Variants in EXOC2 observed in about 807,000 individuals in gnomAD.
EXOC2 encodes the protein exocyst complex component 2, also known as SEC5-like 1.
A neutral mutation model predicts 131.8 loss-of-function variants in EXOC2; 70 were observed. The observed-to-expected ratio is 0.53, with a 90% CI of 0.44 to 0.65. The LOEUF is 0.65. Ranked by LOEUF, EXOC2 falls within the 30% of genes least tolerant of loss-of-function variation. EXOC2 has a pLI of 0.00. For missense variants in EXOC2, 923 were observed against 1,108.6 expected (o/e 0.83, Z 2.38); for synonymous variants, 411 against 398.4 (o/e 1.03, Z -0.38).
chr6:504,092 C>T (rs372785935), intron 23 of EXOC2, among the ~76,000 whole-genome samples: 13 of 152,210 alleles, frequency 8.5e-5, no homozygotes, highest in African/African-American at 3.1e-4. Context: ...CGGCCAACAC[C>T]GTTGGCAAAA....
chr6:665,355 T>C (rs1038460571), intron 1 of EXOC2, among the ~76,000 whole-genome samples: 20 of 152,182 alleles, frequency 1.3e-4, no homozygotes, highest in Admixed American at 3.9e-4. Context: ...CTAGTACAGC[T>C]GCTATGGAAA....
chr6:631,341 C>G (rs1328307216), intron 3 of EXOC2, among the ~76,000 whole-genome samples: 1 of 152,090 alleles, frequency 6.6e-6, no homozygotes, highest in East Asian at 1.9e-4. Flanking sequence ...AGTTCGAGAC[C>G]AGCCTGACCA....
intron 1 of EXOC2, among the ~76,000 whole-genome samples, chr6:658,778 C>T (rs1326269864): frequency 2.6e-5 from 4 of 150,986 alleles, no homozygotes; most frequent in Non-Finnish European, 5.9e-5. Flanking sequence ...TCTCTTGCCT[C>T]AGCCTCCCGA....
At chr6:618,364 G>T (rs963630793) in intron 5 of EXOC2, among the ~76,000 whole-genome samples, 2 of 152,160 alleles carry the variant, frequency 1.3e-5, no homozygotes, top group Non-Finnish European at 2.9e-5. Flanking sequence ...TAACTAGGAA[G>T]ACCACAATAT....
intron 1 of EXOC2, among the ~76,000 whole-genome samples, chr6:658,156 TCTCCACTAACC>T (rs1482040280): frequency 2.1e-4 from 32 of 152,186 alleles, no homozygotes; most frequent in African/African-American, 7.2e-4. Flanking sequence ...ACAATCCACT[TCTCCACTAACC>T]TGAAATGTCA....
At chr6:515,213 A>G (rs191390240) in intron 23 of EXOC2, among the ~76,000 whole-genome samples, 150 of 152,328 alleles carry the variant, frequency 9.8e-4, no homozygotes, top group African/African-American at 3.5e-3. Context: ...ATTAAGAACT[A>G]TAACTTACTT....
intron 1 of EXOC2, among the ~76,000 whole-genome samples, chr6:672,085 T>C (rs1220267799): frequency 6.6e-6 from 1 of 152,198 alleles, no homozygotes; most frequent in East Asian, 1.9e-4. Context: ...ATACTTTGTG[T>C]AACTGTCCCA....
chr6:648,488 T>C (rs181383380), intron 1 of EXOC2, among the ~76,000 whole-genome samples: 74 of 152,270 alleles, frequency 4.9e-4, no homozygotes, highest in African/African-American at 1.6e-3. Context: ...AATATTCCAA[T>C]TGCCATAAAA....
At chr6:576,708 C>T in intron 12 of EXOC2, 49 bp downstream of exon 12, 1 of 1,596,990 alleles carries the variant, frequency 6.3e-7, no homozygotes, top group Non-Finnish European at 8.5e-7. Flanking sequence ...TTTGAAATTA[C>T]ACGAGTACAA....
At position 691,791 on chromosome 6, in the gene EXOC2, T is replaced by A. The variant is rs541710071; in HGVS notation, c.-44+1228A>T. Among the ~76,000 whole-genome samples, 341 of 152,380 alleles carry A rather than the reference T, an allele frequency of 2.2e-3. 2 individuals carry two copies. The highest frequency in any genetic ancestry group is 7.9e-3 in the African/African-American group (328 of 41,586). ...ACTTGACAAGAAAAAAAGATCACTT[T>A]CTAAAACTTCCAAGAGTTGGTCCAA... On this transcript the variant is annotated intron_variant, in intron 1 of 27. Transcript: ENST00000230449.
intron 1 of EXOC2, among the ~76,000 whole-genome samples, chr6:648,916 G>A (rs191765930): frequency 1.3e-5 from 2 of 151,342 alleles, no homozygotes; most frequent in African/African-American, 4.8e-5. Context: ...TTTTAATAGA[G>A]ACAGGGTCTT....
chr6:650,745 T>C (rs767560155), intron 1 of EXOC2, among the ~76,000 whole-genome samples: 24 of 152,198 alleles, frequency 1.6e-4, no homozygotes, highest in Admixed American at 3.9e-4. Flanking sequence ...TGTAAAATTA[T>C]TTATGTTCTA....
At chr6:495,301 A>G (rs2127474023) in intron 25 of EXOC2, among the ~76,000 whole-genome samples, 1 of 149,624 alleles carries the variant, frequency 6.7e-6, no homozygotes, top group Admixed American at 6.6e-5. Flanking sequence ...AATTTTTTGT[A>G]TTTTTAGTAG....
chr6:686,405 A>G (rs1764656484), intron 1 of EXOC2, among the ~76,000 whole-genome samples: 2 of 152,218 alleles, frequency 1.3e-5, no homozygotes, highest in African/African-American at 4.8e-5. Context: ...TTTAAACCAT[A>G]TAACTGATAA....
chr6:656,041 A>G, intron 1 of EXOC2: 2 of 1,203,050 alleles, frequency 1.7e-6, no homozygotes, highest in Non-Finnish European at 2.4e-6. Flanking sequence ...AACCCAATTA[A>G]CTCAGGGTCT....
At chr6:522,030 T>A (rs1561812100) in intron 23 of EXOC2, among the ~76,000 whole-genome samples, 1 of 152,248 alleles carries the variant, frequency 6.6e-6, no homozygotes. Context: ...ATCTATGGCT[T>A]GAGTAACCCT....
chr6:572,950 G>A (rs2127595728), intron 12 of EXOC2, among the ~76,000 whole-genome samples: 1 of 152,352 alleles, frequency 6.6e-6, no homozygotes. Flanking sequence ...CCGAGAGGAG[G>A]TGGCTTTGAC....
chr6:605,383 T>C (rs972429811), intron 7 of EXOC2, among the ~76,000 whole-genome samples: 20 of 152,262 alleles, frequency 1.3e-4, no homozygotes, highest in African/African-American at 4.1e-4. Flanking sequence ...ATATTTAATA[T>C]ACAATTTAAA....
Position 572,617 on chromosome 6 carries a change from A to C in EXOC2, c.1346T>G (p.Val449Gly), listed in dbSNP as rs1416283200. The C allele has an allele frequency of 6.2e-7, 1 of 1,613,972 alleles. No homozygotes were observed. Among genetic ancestry groups the C allele is most frequent in the Non-Finnish European group, 8.5e-7 (1 of 1,180,012 alleles). Residue 449 changes from valine to glycine, a missense_variant, in exon 13 of 28, where the codon GTG (valine) becomes GGG (glycine). Physicochemically the swap from Val to Gly is moderately radical, Grantham distance 109. Coordinates refer to ENST00000230449, the MANE Select transcript of EXOC2 (RefSeq NM_018303.6). ...DTWRYKTPHR[V>G]AFVEKLTKLV... ...TTTTGTCAATTTTTCAACAAAGGCC[A>C]CCCTGTGGGGAGTTTTGTATCTCCA...
Sources: allele counts gnomAD v4.1 joint callset (sites outside exome capture counted in the v4.1 genomes callset), GRCh38; gene constraint gnomAD v4.1.1; transcripts MANE v1.5; gene names NCBI Gene and HGNC (gene_info 2026-07-23, HGNC 2026-07-21).